Variants in GPHN observed in about 807,000 individuals in gnomAD.
The protein encoded by GPHN is gephyrin.
A neutral mutation model predicts 95.5 loss-of-function variants in GPHN; 17 were observed. The ratio of observed to expected loss-of-function variants is 0.18; its 90% CI spans 0.12 to 0.27. GPHN has a LOEUF of 0.27. GPHN is among the 10% of genes least tolerant of loss of function. GPHN has a pLI of 1.00. For missense variants in GPHN, 660 were observed against 978.1 expected (o/e 0.67, Z 4.34); for synonymous variants, 320 against 322.5 (o/e 0.99, Z 0.08).
chr14:66,628,261 C>T (rs1595308704), intron 1 of GPHN, among the ~76,000 whole-genome samples: 1 of 152,170 alleles, frequency 6.6e-6, no homozygotes, highest in East Asian at 1.9e-4. Flanking sequence ...CTGAGAAATG[C>T]ATTGTTAGGC....
chr14:67,525,303 C>T, the GPHN span, among the ~76,000 whole-genome samples: 2 of 152,130 alleles, frequency 1.3e-5, no homozygotes, highest in African/African-American at 4.8e-5. Flanking sequence ...CTAGACATTG[C>T]TTCACTTGAC....
the GPHN span, among the ~76,000 whole-genome samples, chr14:67,574,875 A>T: frequency 6.6e-6 from 1 of 152,242 alleles, no homozygotes; most frequent in Non-Finnish European, 1.5e-5. This position sits in a 1 kb window ranked among gnomAD's most constrained non-coding sequence, Gnocchi z 4.2. Context: ...ACAAGGAAGT[A>T]CATTAGCTAG....
chr14:66,644,791 T>G (rs879912136), intron 1 of GPHN, among the ~76,000 whole-genome samples: 3 of 152,186 alleles, frequency 2.0e-5, no homozygotes, highest in Admixed American at 6.5e-5. Context: ...ATTTTCAAAG[T>G]TAAAATTCAG....
chr14:67,580,989 G>A, the GPHN span: 58 of 1,613,560 alleles, frequency 3.6e-5, no homozygotes, highest in East Asian at 4.5e-5. Flanking sequence ...GCTGCACCCC[G>A]GAAAGTCTGA....
chr14:67,642,534 A>C, the GPHN span, among the ~76,000 whole-genome samples: 2 of 152,202 alleles, frequency 1.3e-5, no homozygotes, highest in South Asian at 4.1e-4. Flanking sequence ...GAGCTGCTCA[A>C]GGGGCACTGT....
the GPHN span, among the ~76,000 whole-genome samples, chr14:67,288,899 A>G: frequency 6.6e-6 from 1 of 151,530 alleles, no homozygotes; most frequent in East Asian, 1.9e-4. Context: ...TAAACTACTG[A>G]TGAACGCACA....
At chr14:67,557,199 C>A in the GPHN span, 1 of 1,350,598 alleles carries the variant, frequency 7.4e-7, no homozygotes, top group South Asian at 1.3e-5. Flanking sequence ...GTGTCCCATC[C>A]CACGTTACTG....
chr14:67,674,775 A>C, the GPHN span: 1 of 300,038 alleles, frequency 3.3e-6, no homozygotes. Flanking sequence ...GGCGATCGGC[A>C]GTCGCGGAAC....
chr14:67,036,540 C>CACACACACACACAT (rs946760546), intron 10 of GPHN, among the ~76,000 whole-genome samples: 1 of 148,222 alleles, frequency 6.7e-6, no homozygotes, highest in Admixed American at 6.8e-5. Context: ...CACACACACA[C>CACACACACACACAT]AGAGAAACAC....
At position 67,150,997 on chromosome 14, in the gene GPHN, T is replaced by C. The variant is rs529923898; in HGVS notation, c.1836+7548T>C. On this transcript the variant is annotated intron_variant, in intron 18 of 22. Transcript: ENST00000478722. ...ATATTTAAAATATTGTAAGTTAAAA[T>C]TATTTATTATCTAGGAATTTTAGAA... Among the ~76,000 whole-genome samples the C allele has an allele frequency of 2.5e-4, 38 of 152,310 alleles. 1 individual carries two copies. The South Asian group carries it at 4.1e-3, about 17-fold the overall frequency.
chr14:67,256,420 G>C, the GPHN span, among the ~76,000 whole-genome samples: 1 of 151,992 alleles, frequency 6.6e-6, no homozygotes, highest in Non-Finnish European at 1.5e-5. Flanking sequence ...AAAAAAACAA[G>C]TGAAAAGAAA....
the GPHN span, among the ~76,000 whole-genome samples, chr14:67,422,768 C>A: frequency 6.6e-6 from 1 of 151,112 alleles, no homozygotes; most frequent in Admixed American, 6.6e-5. Context: ...AATGAGTAGG[C>A]GATTCCAGAG....
the GPHN span, among the ~76,000 whole-genome samples, chr14:67,556,179 G>T: frequency 6.6e-6 from 1 of 152,218 alleles, no homozygotes; most frequent in East Asian, 1.9e-4. Flanking sequence ...TCCATTGAGG[G>T]TTAGCCAGTG....
chr14:67,468,603 G>A, the GPHN span, among the ~76,000 whole-genome samples: 59 of 152,242 alleles, frequency 3.9e-4, no homozygotes, highest in Non-Finnish European at 5.4e-4. Context: ...GGAAAGTGTC[G>A]AGAAAGGCAG....
chr14:67,469,054 C>T, the GPHN span, among the ~76,000 whole-genome samples: 3 of 152,156 alleles, frequency 2.0e-5, no homozygotes, highest in Non-Finnish European at 4.4e-5. Flanking sequence ...TCTGAGAGAA[C>T]TACCTTGTAT....
At chr14:67,281,889 C>T in the GPHN span, among the ~76,000 whole-genome samples, 1 of 151,796 alleles carries the variant, frequency 6.6e-6, no homozygotes, top group Non-Finnish European at 1.5e-5. Context: ...TAAAGGATAC[C>T]TCTATTCCAA....
the GPHN span, among the ~76,000 whole-genome samples, chr14:67,251,733 T>C: frequency 2.6e-5 from 4 of 152,198 alleles, no homozygotes; most frequent in Admixed American, 1.3e-4. Context: ...CCCTTGGAAT[T>C]TTCTTAAGCA....
intron 10 of GPHN, among the ~76,000 whole-genome samples, chr14:67,036,930 C>G (rs191336892): frequency 1.3e-5 from 2 of 152,016 alleles, no homozygotes; most frequent in Admixed American, 6.5e-5. Context: ...ATAGAAAGTA[C>G]CACCCTAAAA....
chr14:67,120,930 G>C (rs1436131870), intron 16 of GPHN, among the ~76,000 whole-genome samples: 3 of 152,096 alleles, frequency 2.0e-5, no homozygotes, highest in African/African-American at 7.2e-5. Context: ...TATTGTAAGG[G>C]GACAGTTGGT....
Sources: allele counts gnomAD v4.1 joint callset (sites outside exome capture counted in the v4.1 genomes callset), GRCh38; gene constraint gnomAD v4.1.1; non-coding constraint Gnocchi (gnomAD v3.1); transcripts MANE v1.5; gene names NCBI Gene and HGNC (gene_info 2026-07-23, HGNC 2026-07-21).